TRIM64B: variants seen among roughly 807,000 people sequenced by gnomAD.
TRIM64B encodes the protein tripartite motif-containing protein 64B.
For missense variants in TRIM64B, 57 were observed against 536.4 expected, an observed-to-expected ratio of 0.11 and a Z score of 8.83; for synonymous variants, 17 against 190.3, an observed-to-expected ratio of 0.09 and a Z score of 7.50.
intron 4 of TRIM64B, among the ~76,000 whole-genome samples, chr11:89,872,649 C>T (rs1191340870): frequency 6.6e-6 from 1 of 151,824 alleles, no homozygotes; most frequent in Non-Finnish European, 1.5e-5. Context: ...AGACAAAAAC[C>T]TTTGGGACCT....
At chr11:89,871,421 C>G (rs1290500839) in intron 5 of TRIM64B, among the ~76,000 whole-genome samples, 2 of 152,214 alleles carry the variant, frequency 1.3e-5, no homozygotes, top group Non-Finnish European at 2.9e-5. Flanking sequence ...CAATAGAAAA[C>G]TCTCCTTGTA....
At chr11:89,875,476 T>C in intron 1 of TRIM64B, 134 bp downstream of exon 2, 1 of 1,425,940 alleles carries the variant, frequency 7.0e-7, no homozygotes, top group South Asian at 1.4e-5. Flanking sequence ...AAAGGACACA[T>C]TCATGTGTTA....
chr11:89,874,401 C>T (rs1950143679), intron 2 of TRIM64B, 122 bp from the exon 4 acceptor site: 1 of 525,186 alleles, frequency 1.9e-6, no homozygotes, highest in Non-Finnish European at 3.1e-6. Flanking sequence ...TGCAAGGAGT[C>T]TTGAATATTT....
At chr11:89,875,172 T>C in intron 1 of TRIM64B, 99 bp from the exon 3 acceptor site, 2 of 1,458,932 alleles carry the variant, frequency 1.4e-6, no homozygotes, top group Non-Finnish European at 1.9e-6. Flanking sequence ...GAAACATAAA[T>C]TAAGTTGGAG....
upstream of TRIM64B, among the ~76,000 whole-genome samples, chr11:89,878,145 A>G (rs1360566020): frequency 7.3e-6 from 1 of 137,584 alleles, no homozygotes; most frequent in African/African-American, 2.7e-5. Context: ...ATATCTTTTC[A>G]CACTTAAGAA....
upstream of TRIM64B, among the ~76,000 whole-genome samples, chr11:89,876,286 T>C (rs1454080339): frequency 7.0e-6 from 1 of 143,072 alleles, no homozygotes; most frequent in South Asian, 2.3e-4. Context: ...CTCTTATTAG[T>C]AAATGGTGTG....
intron 4 of TRIM64B, among the ~76,000 whole-genome samples, chr11:89,872,855 T>C (rs1483882093): frequency 3.3e-5 from 5 of 151,714 alleles, no homozygotes; most frequent in African/African-American, 7.3e-5. Context: ...GCCCGGGTCA[T>C]TGATGCTTTT....
chr11:89,877,686 C>T (rs1177828432), upstream of TRIM64B, among the ~76,000 whole-genome samples: 4 of 148,800 alleles, frequency 2.7e-5, no homozygotes, highest in Non-Finnish European at 4.5e-5. Flanking sequence ...GTGGCACGAT[C>T]TCAGCTTACT....
chr11:89,873,941 T>C, intron 3 of TRIM64B, 108 bp downstream of exon 4: 2 of 710,382 alleles, frequency 2.8e-6, no homozygotes, highest in Non-Finnish European at 4.9e-6. Flanking sequence ...TCAGACAGCA[T>C]GTGTCACTTA....
Position 89,872,922 on chromosome 11 carries a change from CTTTT to C in TRIM64B, c.758+342_758+345del, listed in dbSNP as rs34678191. 1.6e-3 allele frequency among the ~76,000 whole-genome samples: 212 copies of C among 135,902 alleles called. 1 individual carries two copies. Among genetic ancestry groups the C allele is most frequent in the African/African-American group, 5.0e-3 (183 of 36,434 alleles). The allele number at this position is 135,902 out of a possible 152,430, so 89.2% of individuals were successfully genotyped here. Reference sequence around the variant, plus strand: ...TAGGGAATCTCTCTCCTCCCTCTGTCTTTTTTTTTTTTTTTTTTTTAACCTCCCA... The same window carrying C: ...TAGGGAATCTCTCTCCTCCCTCTGTCTTTTTTTTTTTTTTTTAACCTCCCA... On this transcript the variant is annotated intron_variant, in intron 4 of 5. Coordinates refer to ENST00000329862, the Ensembl canonical transcript of TRIM64B.
At position 89,873,259 on chromosome 11, in the gene TRIM64B, T is replaced by A. The variant is rs1950131050; in HGVS notation, c.758+9A>T. Reference sequence around the variant, plus strand: ...TTTCAGAAATAGCATTTTTTTAGTGTAAACTCACCTTGCTGATACATTTCT... The same window carrying A: ...TTTCAGAAATAGCATTTTTTTAGTGAAAACTCACCTTGCTGATACATTTCT... On this transcript the variant is annotated intron_variant, in intron 4 of 5. Coordinates refer to ENST00000329862, the Ensembl canonical transcript of TRIM64B. 1 of 1,551,564 alleles carries A rather than the reference T, an allele frequency of 6.4e-7. No homozygotes were observed. The highest frequency in any genetic ancestry group is 8.7e-7 in the Non-Finnish European group (1 of 1,147,032).
upstream of TRIM64B, among the ~76,000 whole-genome samples, chr11:89,878,214 T>C (rs1351128688): frequency 2.3e-5 from 3 of 130,648 alleles, no homozygotes; most frequent in Admixed American, 8.0e-5. Context: ...ACAAACCATA[T>C]CTTACAAATT....
At chr11:89,872,711 T>A (rs900294084) in intron 4 of TRIM64B, among the ~76,000 whole-genome samples, 3 of 151,794 alleles carry the variant, frequency 2.0e-5, no homozygotes, top group African/African-American at 7.3e-5. Context: ...GAATGTTCAC[T>A]GAGGCAAAAG....
intron 1 of TRIM64B, among the ~76,000 whole-genome samples, chr11:89,875,318 G>T (rs866444498): frequency 1.1e-4 from 16 of 147,670 alleles, no homozygotes; most frequent in South Asian, 6.4e-4. Context: ...CTGGCTTTCA[G>T]ATAACCTGAC....
upstream of TRIM64B, among the ~76,000 whole-genome samples, chr11:89,877,656 G>T (rs920353279): frequency 3.5e-5 from 5 of 142,072 alleles, no homozygotes; most frequent in African/African-American, 1.3e-4. Flanking sequence ...GTCTCACTCT[G>T]TTACGCAGGC....
At chr11:89,875,309 T>C (rs1383050037) in intron 1 of TRIM64B, among the ~76,000 whole-genome samples, 2 of 152,276 alleles carry the variant, frequency 1.3e-5, no homozygotes, top group African/African-American at 4.8e-5. Flanking sequence ...TCTGAGAAAC[T>C]GGCTTTCAGA....
intron 5 of TRIM64B, 100 bp from the exon 7 acceptor site, chr11:89,871,214 A>C: frequency 7.0e-7 from 1 of 1,438,830 alleles, no homozygotes; most frequent in Non-Finnish European, 9.3e-7. Context: ...GAAAATACAG[A>C]AAAAAGGAAG....
At chr11:89,877,232 C>G (rs1393182446), upstream of TRIM64B, among the ~76,000 whole-genome samples, 1 of 97,608 alleles carries the variant, frequency 1.0e-5, no homozygotes, top group African/African-American at 3.7e-5. Flanking sequence ...TAAATTTGTC[C>G]TTTTAACTTT....
chr11:89,877,789 T>C (rs2134715257), upstream of TRIM64B, among the ~76,000 whole-genome samples: 1 of 149,568 alleles, frequency 6.7e-6, no homozygotes, highest in Non-Finnish European at 1.5e-5. Context: ...CAGGATGATT[T>C]TTTTGGATTT....
Sources: allele counts gnomAD v4.1 joint callset (sites outside exome capture counted in the v4.1 genomes callset), GRCh38; gene constraint gnomAD v4.1.1; transcripts MANE v1.5; gene names NCBI Gene and HGNC (gene_info 2026-07-23, HGNC 2026-07-21).